BLTP2: variants seen among roughly 807,000 people sequenced by gnomAD.
The protein encoded by BLTP2 is bridge-like lipid transfer protein family member 2, also known as U937-associated antigen.
chr17:28,634,767 G>T, the BLTP2 span: 1 of 1,614,072 alleles, frequency 6.2e-7, no homozygotes. Context: ...CAATGTTTTT[G>T]CGTTCCAAAG....
chr17:28,643,193 T>C, the BLTP2 span: 1 of 1,614,216 alleles, frequency 6.2e-7, no homozygotes, highest in Non-Finnish European at 8.5e-7. Flanking sequence ...AAGGATGGGC[T>C]GAAGGACAGT....
chr17:28,628,391 C>T, the BLTP2 span: 1 of 1,614,192 alleles, frequency 6.2e-7, no homozygotes, highest in South Asian at 1.1e-5. Context: ...ATCTTTAACC[C>T]CTTCAGGGCC....
At chr17:28,632,985 G>A in the BLTP2 span, 1 of 1,564,150 alleles carries the variant, frequency 6.4e-7, no homozygotes, top group South Asian at 1.2e-5. Flanking sequence ...AGAGATTGAG[G>A]TTCTCCGAGC....
the BLTP2 span, chr17:28,631,958 T>C: frequency 2.5e-6 from 4 of 1,609,284 alleles, no homozygotes; most frequent in East Asian, 2.2e-5. Flanking sequence ...AAGGATGGCA[T>C]GAGAGGGATG....
the BLTP2 span, chr17:28,644,845 G>C: frequency 1.5e-6 from 1 of 655,034 alleles, no homozygotes; most frequent in Non-Finnish European, 2.6e-6. Context: ...CCCTCCCCTC[G>C]CCGCGCGCCC....
At chr17:28,615,199 G>A in the BLTP2 span, 31 of 1,613,830 alleles carry the variant, frequency 1.9e-5, 1 homozygote, top group African/African-American at 4.0e-4. Flanking sequence ...GCTTTCCCCG[G>A]ACCTCAGAGC....
chr17:28,632,820 C>T, the BLTP2 span: 1 of 687,438 alleles, frequency 1.5e-6, no homozygotes, highest in African/African-American at 1.8e-5. Context: ...AGGTCCTAAC[C>T]TAGATTCTCC....
At chr17:28,643,436 T>A in the BLTP2 span, 1 of 1,425,022 alleles carries the variant, frequency 7.0e-7, no homozygotes, top group Non-Finnish European at 9.8e-7. Flanking sequence ...ATTAGTTTCA[T>A]AGCAGTTATC....
chr17:28,635,715 C>T, the BLTP2 span: 3 of 1,200,466 alleles, frequency 2.5e-6, no homozygotes, highest in Non-Finnish European at 3.4e-6. Context: ...CATCTCCACC[C>T]AGAAGTTGTT....
At chr17:28,639,277 C>G in the BLTP2 span, 56 of 1,610,638 alleles carry the variant, frequency 3.5e-5, 2 homozygotes, top group South Asian at 6.2e-4. Context: ...CCAGAGAATC[C>G]AACTGACAAG....
At chr17:28,636,921 G>T in the BLTP2 span, 1 of 1,472,164 alleles carries the variant, frequency 6.8e-7, no homozygotes, top group Non-Finnish European at 9.5e-7. Flanking sequence ...GCTCTAAGCT[G>T]AGGAAAAAAC....
At chr17:28,625,723 T>G in the BLTP2 span, among the ~76,000 whole-genome samples, 1 of 152,168 alleles carries the variant, frequency 6.6e-6, no homozygotes, top group Non-Finnish European at 1.5e-5. Context: ...CCATCCATCT[T>G]ATCTCCATTC....
At chr17:28,619,025 G>GTAACAT in the BLTP2 span, 1 of 1,472,994 alleles carries the variant, frequency 6.8e-7, no homozygotes, top group African/African-American at 1.4e-5. Flanking sequence ...CATGGGTTGG[G>GTAACAT]GGTGGGATAG....
the BLTP2 span, chr17:28,639,717 C>G: frequency 1.4e-6 from 2 of 1,466,054 alleles, no homozygotes; most frequent in South Asian, 2.3e-5. Flanking sequence ...GGGTCAGAAG[C>G]CGGCAAAGGG....
At chr17:28,641,113 T>C in the BLTP2 span, among the ~76,000 whole-genome samples, 1 of 152,220 alleles carries the variant, frequency 6.6e-6, no homozygotes, top group Non-Finnish European at 1.5e-5. Flanking sequence ...GATACCAAAG[T>C]CCGCACATAC....
chr17:28,616,225 C>A, the BLTP2 span: 1 of 1,603,380 alleles, frequency 6.2e-7, no homozygotes, highest in Non-Finnish European at 8.5e-7. This position sits in a 1 kb window ranked among gnomAD's most constrained non-coding sequence, Gnocchi z 4.8. Flanking sequence ...GGAGTGTGAG[C>A]CCTGAATCCA....
chr17:28,637,994 C>A, the BLTP2 span: 1 of 1,614,218 alleles, frequency 6.2e-7, no homozygotes, highest in Non-Finnish European at 8.5e-7. Flanking sequence ...ACATTGGGCA[C>A]AGGTATCTGA....
At chr17:28,622,361 T>C in the BLTP2 span, among the ~76,000 whole-genome samples, 1 of 152,192 alleles carries the variant, frequency 6.6e-6, no homozygotes, top group Non-Finnish European at 1.5e-5. Context: ...TACCTCTTAT[T>C]ACACTTGAGG....
the BLTP2 span, chr17:28,615,014 G>A: frequency 6.4e-6 from 10 of 1,551,248 alleles, 1 homozygote; most frequent in South Asian, 3.6e-5. Context: ...CAAGTCCCTG[G>A]AGCCTGAGCC....
Sources: gnomAD v4.1 joint callset for allele counts (sites outside exome capture counted in the v4.1 genomes callset) on GRCh38, gnomAD v4.1.1 for gene constraint, Gnocchi (gnomAD v3.1) non-coding constraint, MANE v1.5 for transcripts, NCBI Gene and HGNC (gene_info 2026-07-23, HGNC 2026-07-21) for gene names.